RORA: variants seen among roughly 807,000 people sequenced by gnomAD.
RORA encodes nuclear receptor ROR-alpha.
RORA carries 7 observed loss-of-function variants against 69.5 expected under a neutral mutation model. The ratio of observed to expected loss-of-function variants is 0.10; its 90% confidence interval spans 0.06 to 0.19. RORA has a LOEUF of 0.19. Ranked by LOEUF, RORA falls within the 10% of genes least tolerant of loss-of-function variation. The pLI is 1.00. For synonymous variants in RORA, 261 were observed against 240.8 expected, an observed-to-expected ratio of 1.08 and a Z score of -0.78; for missense variants, 457 against 663.0, an observed-to-expected ratio of 0.69 and a Z score of 3.41.
intron 1 of RORA, among the ~76,000 whole-genome samples, chr15:61,175,541 T>A (rs1363466735): frequency 1.2e-4 from 14 of 120,186 alleles, no homozygotes; most frequent in African/African-American, 1.6e-4. Flanking sequence ...ATCCTGTTTC[T>A]AAAAAAAAAA....
rs538342880 is a variant in RORA, at chr15:61,110,205, T to C, written c.166+118848A>G. Among the ~76,000 whole-genome samples, 44 of 152,284 alleles carry C rather than the reference T, an allele frequency of 2.9e-4. 1 individual carries two copies. Among genetic ancestry groups the C allele is most frequent in the Admixed American group, 2.6e-3 (40 of 15,306 alleles). On this transcript the variant is annotated intron_variant, in intron 1 of 10. Coordinates refer to ENST00000335670, the MANE Select transcript of RORA (RefSeq NM_134261.3). ...CGAGGTCAAGAGATCATGACCATCC[T>C]GGCCAACATGGTGAAACCCACCTCT...
intron 1 of RORA, among the ~76,000 whole-genome samples, chr15:60,692,185 A>C (rs1339803077): frequency 6.6e-6 from 1 of 152,266 alleles, no homozygotes; most frequent in Non-Finnish European, 1.5e-5. Context: ...CAGTTGGAAT[A>C]GTAGTTTGGC....
rs373582073 is a variant in RORA at position 60,502,578 on chromosome 15, CA to C, written c.1183+181del. 3.3e-4 allele frequency among the ~76,000 whole-genome samples: 50 copies of C among 152,144 alleles called. No homozygotes were observed. The South Asian group carries it at 9.5e-3, about 29-fold the overall frequency. On this transcript the variant is annotated intron_variant, in intron 8 of 10. Transcript: ENST00000335670. ...TCTACATCTTTACAAGTAATGTAGACAAAAAACTTTTGAGCTATATGACTTT... is the reference window on the plus strand; with the variant it reads ...TCTACATCTTTACAAGTAATGTAGACAAAAACTTTTGAGCTATATGACTTT...
intron 1 of RORA, among the ~76,000 whole-genome samples, chr15:60,809,729 T>C (rs2072715041): frequency 6.6e-6 from 1 of 152,104 alleles, no homozygotes. Context: ...ATGTAAATGC[T>C]ATTCACCAAT....
chr15:60,795,126 A>T (rs922883474), intron 1 of RORA, among the ~76,000 whole-genome samples: 12 of 152,112 alleles, frequency 7.9e-5, no homozygotes, highest in African/African-American at 2.7e-4. Flanking sequence ...ATCCCCACAC[A>T]CTAGATGTAT....
chr15:60,842,339 A>C (rs2073210060), intron 1 of RORA, among the ~76,000 whole-genome samples: 1 of 152,154 alleles, frequency 6.6e-6, no homozygotes, highest in Non-Finnish European at 1.5e-5. Context: ...CCAAATACCT[A>C]GTCTCAGCAA....
At chr15:61,022,083 G>A (rs964917535) in intron 1 of RORA, among the ~76,000 whole-genome samples, 1 of 152,194 alleles carries the variant, frequency 6.6e-6, no homozygotes, top group African/African-American at 2.4e-5. Context: ...GAGTGGGAAA[G>A]GTGAAGGCTC....
intron 1 of RORA, among the ~76,000 whole-genome samples, chr15:61,148,395 C>T (rs12900813): frequency 0.47 from 71,973 of 151,920 alleles, 18,832 homozygotes; most frequent in Non-Finnish European, 0.59. Context: ...TGTAGTTTCA[C>T]TCTCCCACAT....
chr15:60,821,069 T>A lies in RORA; in HGVS notation c.167-142383A>T, dbSNP rs540929494. On this transcript the variant is annotated intron_variant, in intron 1 of 10. Coordinates refer to ENST00000335670, the MANE Select transcript of RORA (RefSeq NM_134261.3). ...GAGGATACCTCACCTATGCCAGGTG[T>A]CACCAATTACCTATTTCCAGCTGTA... is the stretch of plus-strand genomic sequence containing the variant. Among the ~76,000 whole-genome samples, 4 of 151,606 alleles carry A rather than the reference T, an allele frequency of 2.6e-5. No homozygotes were observed. In the East Asian group the frequency reaches 5.8e-4, roughly 22 times the overall value.
chr15:61,190,454 TTACA>T (rs1168746272), intron 1 of RORA, among the ~76,000 whole-genome samples: 81 of 152,146 alleles, frequency 5.3e-4, no homozygotes, highest in Non-Finnish European at 2.4e-4. Flanking sequence ...ATGAGATAGA[TTACA>T]TAAAGAGTTC....
chr15:60,512,328 C>A (rs2065728229), intron 4 of RORA, among the ~76,000 whole-genome samples: 1 of 152,162 alleles, frequency 6.6e-6, no homozygotes, highest in African/African-American at 2.4e-5. Context: ...CTCTGTCACC[C>A]AGGCTGAAGT....
At chr15:60,644,858 G>A (rs534017624) in intron 2 of RORA, among the ~76,000 whole-genome samples, 84 of 152,192 alleles carry the variant, frequency 5.5e-4, no homozygotes, top group Non-Finnish European at 1.0e-3. Flanking sequence ...CTCTCCTTGC[G>A]GGGGCCAATC....
chr15:60,586,467 T>C (rs1277653048), intron 2 of RORA, among the ~76,000 whole-genome samples: 1 of 152,122 alleles, frequency 6.6e-6, no homozygotes, highest in South Asian at 2.1e-4. Context: ...TGTGTGTGTG[T>C]GTGTGCGTGT....
chr15:60,658,051 C>T (rs2070248672), intron 2 of RORA, among the ~76,000 whole-genome samples: 1 of 151,912 alleles, frequency 6.6e-6, no homozygotes, highest in Non-Finnish European at 1.5e-5. Context: ...CGGGGAGTGG[C>T]GGGTGGAAGG....
chr15:60,965,462 T>C (rs1277854176), intron 1 of RORA, among the ~76,000 whole-genome samples: 1 of 152,206 alleles, frequency 6.6e-6, no homozygotes, highest in Non-Finnish European at 1.5e-5. Context: ...GGCTTAAAAC[T>C]AAATTCCAGC....
chr15:61,154,572 G>A (rs139934503), intron 1 of RORA, among the ~76,000 whole-genome samples: 1 of 152,184 alleles, frequency 6.6e-6, no homozygotes, highest in African/African-American at 2.4e-5. Flanking sequence ...GATGGGTCAT[G>A]AGCCATTTGT....
intron 2 of RORA, among the ~76,000 whole-genome samples, chr15:60,589,120 AC>A (rs2068422482): frequency 1.3e-5 from 2 of 152,330 alleles, no homozygotes; most frequent in Admixed American, 6.5e-5. Flanking sequence ...ATCACAAGTA[AC>A]AAAAATGGTA....
intron 1 of RORA, chr15:61,194,199 A>G (rs1056793559): frequency 3.3e-5 from 5 of 152,240 alleles, no homozygotes; most frequent in Admixed American, 3.3e-4. Flanking sequence ...GAGAAGAAAG[A>G]AAATGCACAT....
At chr15:60,515,955 ATTT>A (rs2065867798) in intron 3 of RORA, among the ~76,000 whole-genome samples, 1 of 12,122 alleles carries the variant, frequency 8.2e-5, no homozygotes, top group Non-Finnish European at 1.4e-4. Flanking sequence ...ATATTTATAT[ATTT>A]ATATTTATAT....
Sources: allele counts gnomAD v4.1 joint callset (sites outside exome capture counted in the v4.1 genomes callset), GRCh38; gene constraint gnomAD v4.1.1; transcripts MANE v1.5; gene names NCBI Gene and HGNC (gene_info 2026-07-23, HGNC 2026-07-21).